FAM227B: variants seen among roughly 807,000 people sequenced by gnomAD.
The protein encoded by FAM227B is protein FAM227B.
In FAM227B, 88 loss-of-function variants were observed where a neutral mutation model predicts 73.8. The ratio of observed to expected loss-of-function variants is 1.19; its 90% CI spans 1.00 to 1.42. The LOEUF is 1.42. FAM227B is among the 40% of genes most tolerant of loss of function. The pLI, the probability that FAM227B is intolerant of heterozygous loss-of-function variation, is 0.00. For synonymous variants in FAM227B, 210 were observed against 190.5 expected (o/e 1.10, Z -0.84); for missense variants, 632 against 590.9 (o/e 1.07, Z -0.72).
intron 13 of FAM227B, among the ~76,000 whole-genome samples, chr15:49,339,958 AC>A (rs2040416377): frequency 6.6e-6 from 1 of 151,756 alleles, no homozygotes; most frequent in Non-Finnish European, 1.5e-5. Flanking sequence ...AATGGTGGAC[AC>A]CCCTCCCCCC....
intron 11 of FAM227B, among the ~76,000 whole-genome samples, chr15:49,453,296 AT>A (rs2052948512): frequency 6.6e-6 from 1 of 151,920 alleles, no homozygotes; most frequent in African/African-American, 2.4e-5. Flanking sequence ...TTAAGATGGG[AT>A]TTCACCATGT....
At chr15:49,340,739 T>C (rs2040595532) in intron 13 of FAM227B, among the ~76,000 whole-genome samples, 1 of 152,196 alleles carries the variant, frequency 6.6e-6, no homozygotes, top group Non-Finnish European at 1.5e-5. Flanking sequence ...TGATGTTTTA[T>C]ATTGCTGTGC....
chr15:49,567,803 G>A lies in FAM227B; in HGVS notation c.747+442C>T, dbSNP rs140032476. ...GTTAGTACAATAACAGAAAAGCACA[G>A]CAAGCATTTGATTCATAATTTTATG... On this transcript the variant is annotated intron_variant, in intron 9 of 15. Transcript: ENST00000299338. Among the ~76,000 whole-genome samples, 173 of 152,162 alleles carry A rather than the reference G, an allele frequency of 1.1e-3. 1 individual carries two copies. The highest frequency in any genetic ancestry group is 3.9e-3 in the African/African-American group (161 of 41,538).
intron 11 of FAM227B, among the ~76,000 whole-genome samples, chr15:49,400,743 A>T (rs1233347960): frequency 2.0e-5 from 3 of 151,164 alleles, no homozygotes; most frequent in African/African-American, 4.9e-5. Flanking sequence ...AAAAACAAGG[A>T]ATGGGGAAAG....
intron 8 of FAM227B, among the ~76,000 whole-genome samples, chr15:49,568,745 G>A (rs1324236796): frequency 6.6e-6 from 1 of 151,906 alleles, no homozygotes; most frequent in Non-Finnish European, 1.5e-5. Context: ...ATTGGTTATG[G>A]TGTATAATCC....
At chr15:49,517,745 A>G (rs1197302889) in intron 10 of FAM227B, among the ~76,000 whole-genome samples, 1 of 152,182 alleles carries the variant, frequency 6.6e-6, no homozygotes, top group African/African-American at 2.4e-5. Flanking sequence ...TACAAATTTA[A>G]TATATAGTGC....
intron 11 of FAM227B, among the ~76,000 whole-genome samples, chr15:49,455,749 A>T (rs1423875390): frequency 3.9e-5 from 6 of 152,184 alleles, no homozygotes; most frequent in Non-Finnish European, 8.8e-5. Flanking sequence ...AGTGGAGAAA[A>T]CAAAACGTGC....
chr15:49,504,841 C>T (rs1047270490), intron 11 of FAM227B, among the ~76,000 whole-genome samples: 1 of 152,122 alleles, frequency 6.6e-6, no homozygotes, highest in Non-Finnish European at 1.5e-5. Flanking sequence ...TATAGCAATG[C>T]AAGAATGACC....
intron 11 of FAM227B, among the ~76,000 whole-genome samples, chr15:49,469,744 T>A (rs878973445): frequency 2.6e-5 from 4 of 152,128 alleles, no homozygotes; most frequent in Admixed American, 2.6e-4. Context: ...AAGACACTGG[T>A]TACAACTAAG....
intron 15 of FAM227B, chr15:49,330,185 T>C (rs1244536430): frequency 6.6e-6 from 1 of 152,146 alleles, no homozygotes; most frequent in Non-Finnish European, 1.5e-5. Context: ...AGCCTATGGG[T>C]ATAGGCAAAC....
chr15:49,371,804 T>G (rs910839646), intron 11 of FAM227B, among the ~76,000 whole-genome samples: 1 of 143,750 alleles, frequency 7.0e-6, no homozygotes, highest in Admixed American at 6.9e-5. Flanking sequence ...AAAATTCACT[T>G]ATAAATAAAT....
chr15:49,496,132 T>G (rs1341834085), intron 11 of FAM227B, among the ~76,000 whole-genome samples: 1 of 152,182 alleles, frequency 6.6e-6, no homozygotes, highest in Non-Finnish European at 1.5e-5. Context: ...TTCTGTAACA[T>G]GTCATTTGCT....
At chr15:49,587,295 T>G (rs2076226636) in intron 5 of FAM227B, among the ~76,000 whole-genome samples, 1 of 151,914 alleles carries the variant, frequency 6.6e-6, no homozygotes, top group Admixed American at 6.6e-5. Flanking sequence ...ACACATGAAC[T>G]CATAGAGGAG....
intron 11 of FAM227B, chr15:49,488,147 C>T (rs1329433355): frequency 2.0e-5 from 3 of 151,938 alleles, no homozygotes; most frequent in African/African-American, 7.2e-5. Context: ...TTTCTATGAT[C>T]ACCCTAAAAC....
intron 9 of FAM227B, among the ~76,000 whole-genome samples, chr15:49,565,055 T>C (rs2074537646): frequency 6.6e-6 from 1 of 152,096 alleles, no homozygotes; most frequent in Admixed American, 6.6e-5. Context: ...TCGCATGAGT[T>C]TATATAGTGC....
At chr15:49,369,165 G>A (rs1338080729) in intron 12 of FAM227B, among the ~76,000 whole-genome samples, 1 of 151,966 alleles carries the variant, frequency 6.6e-6, no homozygotes, top group African/African-American at 2.4e-5. Context: ...CACCGTGTTA[G>A]CCAGGATGGT....
chr15:49,430,228 T>C (rs1022537896), intron 11 of FAM227B, among the ~76,000 whole-genome samples: 1 of 151,928 alleles, frequency 6.6e-6, no homozygotes, highest in African/African-American at 2.4e-5. Flanking sequence ...CAGGGAAGAA[T>C]AGGTTCTGTA....
chr15:49,615,345 T>G (rs966588160), intron 1 of FAM227B, 102 bp from the exon 2 acceptor site: 2 of 635,900 alleles, frequency 3.1e-6, no homozygotes, highest in African/African-American at 3.6e-5. Context: ...CCAAGTCAGA[T>G]AGTTTGGCTC....
chr15:49,485,493 G>A (rs1004842286), intron 11 of FAM227B: 8 of 152,024 alleles, frequency 5.3e-5, no homozygotes, highest in African/African-American at 1.9e-4. Context: ...ACCTTAATAA[G>A]CTGTATCTGT....
Sources: allele counts gnomAD v4.1 joint callset (sites outside exome capture counted in the v4.1 genomes callset), GRCh38; gene constraint gnomAD v4.1.1; transcripts MANE v1.5; gene names NCBI Gene and HGNC (gene_info 2026-07-23, HGNC 2026-07-21).